The following ZNF276 variants were observed in gnomAD, a reference collection of about 807,000 sequenced individuals.
ZNF276 encodes the protein centromere protein Z.
ZNF276 carries 59 observed loss-of-function variants against 63.9 expected under a neutral mutation model. The observed-to-expected ratio is 0.92, with a 90% CI of 0.75 to 1.15. The LOEUF (loss-of-function observed/expected upper bound fraction) is 1.15. ZNF276 is among the 50% of genes most tolerant of loss of function. The pLI is 0.00. For synonymous variants in ZNF276, 496 were observed against 348.4 expected, an observed-to-expected ratio of 1.42 and a Z score of -4.72; for missense variants, 1,084 against 843.8, an observed-to-expected ratio of 1.28 and a Z score of -3.53.
intron 4 of ZNF276, among the ~76,000 whole-genome samples, chr16:89,725,435 C>T (rs1349367911): frequency 6.6e-6 from 1 of 152,170 alleles, no homozygotes; most frequent in Non-Finnish European, 1.5e-5. Flanking sequence ...CCTGCATCAG[C>T]CTCCCAGAAT....
chr16:89,721,023 G>T, upstream of ZNF276: 1 of 650,228 alleles, frequency 1.5e-6, no homozygotes, highest in Non-Finnish European at 2.1e-6. Flanking sequence ...CGTACTGCGG[G>T]CCCCACGGGT....
Position 89,733,426 on chromosome 16 carries a change from C to A in ZNF276, c.1280+14C>A. On this transcript the variant is annotated intron_variant, in intron 7 of 10. Coordinates refer to ENST00000443381, the MANE Select transcript of ZNF276 (RefSeq NM_001113525.2). ...TCGTTGTGAGAGGTGATGCCTGCAA[C>A]GCGAGGCTCGCCCTGCCTGTCGGGG... 1.2e-6 allele frequency: 2 copies of A among 1,613,980 alleles called. No individual in the cohort carries two copies. Among genetic ancestry groups the A allele is most frequent in the Non-Finnish European group, 1.7e-6 (2 of 1,179,870 alleles).
At chr16:89,734,713 C>T (rs2061791814) in intron 9 of ZNF276, among the ~76,000 whole-genome samples, 2 of 152,234 alleles carry the variant, frequency 1.3e-5, no homozygotes, top group South Asian at 4.1e-4. Context: ...ACGTGTGGTT[C>T]TGCCTTTTCA....
rs991302834 is a variant in ZNF276 at position 89,739,729 on chromosome 16, G to C, written c.*1483G>C. The stretch of plus-strand genomic sequence containing the variant: ...ACCTGTCAGCAGCTGGGAGAGGATG[G>C]GGGGGTCGACCTCTTGCAGGAGGGT... On this transcript the variant is annotated 3_prime_UTR_variant, in exon 11 of 11. Transcript: ENST00000443381. The C allele has an allele frequency of 8.7e-6, 13 of 1,499,176 alleles. No individual in the cohort carries two copies. The highest frequency in any genetic ancestry group is 2.5e-5 in the East Asian group (1 of 40,574). The allele number at this position is 1,499,176 out of a possible 1,614,324, so 92.9% of individuals were successfully genotyped here. A position where few individuals can be genotyped will look rare whatever the true frequency, so the allele number is the denominator to read the frequency against.
rs76106472 is a variant in ZNF276, at chr16:89,729,286, G to C, written c.1137G>C (p.Ser379=). Residue 379 remains serine, a synonymous_variant, in exon 6 of 11, where the codon TCG becomes TCC. Coordinates refer to ENST00000443381, the MANE Select transcript of ZNF276 (RefSeq NM_001113525.2). ...ENDKKQNAQS[S]DESFEPYPER... ...ACAAGAAGCAAAATGCCCAGTCTTC[G>C]GACGAGTCCTTTGAGCCTTACCCAG... 1.9e-6 allele frequency: 3 copies of C among 1,613,990 alleles called. No individual in the cohort carries two copies. The Admixed American group carries it at 5.0e-5, about 27-fold the overall frequency.
intron 4 of ZNF276, 113 bp downstream of exon 4, chr16:89,723,822 G>A (rs1597968236): frequency 1.7e-6 from 2 of 1,186,760 alleles, no homozygotes; most frequent in Non-Finnish European, 1.2e-6. Flanking sequence ...GGGGTGTGGT[G>A]TGAGAAGGAG....
chr16:89,740,072 G>A lies in ZNF276; in HGVS notation c.*1826G>A, dbSNP rs200917877. 1 of 1,614,180 alleles carries A rather than the reference G, an allele frequency of 6.2e-7. No homozygotes were observed. The highest frequency in any genetic ancestry group is 2.2e-5 in the East Asian group (1 of 44,874). Reference sequence around the variant, plus strand: ...CACTCGAGGATTGCTGCACAAACGTGGAAAGCCTTTGGCAGGTCTGTGGTG... The same window carrying A: ...CACTCGAGGATTGCTGCACAAACGTAGAAAGCCTTTGGCAGGTCTGTGGTG... On this transcript the variant is annotated 3_prime_UTR_variant, in exon 11 of 11. Coordinates refer to ENST00000443381, the MANE Select transcript of ZNF276 (RefSeq NM_001113525.2).
intron 9 of ZNF276, among the ~76,000 whole-genome samples, chr16:89,735,297 G>C (rs1051119017): frequency 6.6e-6 from 1 of 151,004 alleles, no homozygotes; most frequent in African/African-American, 2.4e-5. Context: ...GGTGGGGGGG[G>C]GCCTGGAACC....
intron 9 of ZNF276, among the ~76,000 whole-genome samples, chr16:89,735,115 A>G (rs2061811291): frequency 2.0e-5 from 3 of 152,138 alleles, no homozygotes; most frequent in South Asian, 4.1e-4. Flanking sequence ...CCTGGGCAAC[A>G]GTGAGACACT....
chr16:89,734,112 AC>A, intron 9 of ZNF276, 74 bp downstream of exon 9: 3 of 1,409,644 alleles, frequency 2.1e-6, no homozygotes, highest in Non-Finnish European at 3.0e-6. Context: ...TCTTCCTCAT[AC>A]CCATCCCCGC....
chr16:89,729,769 C>T (rs930857723), intron 6 of ZNF276, among the ~76,000 whole-genome samples: 1 of 152,226 alleles, frequency 6.6e-6, no homozygotes, highest in Non-Finnish European at 1.5e-5. Context: ...CTGACCCCAT[C>T]ACTGATGTCC....
In ZNF276 at chr16:89,738,693, C is replaced by T; in HGVS notation, c.*447C>T. ...GCGCTCACCTCTGGGTCGCAGTCCC[C>T]ACGATCAGCCAGCAGCTGTGAGAGA... is the stretch of plus-strand genomic sequence containing the variant. On this transcript the variant is annotated 3_prime_UTR_variant, in exon 11 of 11. Transcript: ENST00000443381. The T allele has an allele frequency of 1.2e-6, 2 of 1,613,936 alleles. No homozygotes were observed. Among genetic ancestry groups the T allele is most frequent in the Non-Finnish European group, 1.7e-6 (2 of 1,180,000 alleles).
chr16:89,740,015 G>A lies in ZNF276; in HGVS notation c.*1769G>A, dbSNP rs753700179. 6 of 1,614,074 alleles carry A rather than the reference G, an allele frequency of 3.7e-6. No individual in the cohort carries two copies. The highest frequency in any genetic ancestry group is 1.7e-5 in the Admixed American group (1 of 60,000). Reference sequence around the variant, plus strand: ...TTACCACTCTCTGTCAACTGAAAGAGTGCCAGCCAGGATATCTTCCTCTTC... The same window carrying A: ...TTACCACTCTCTGTCAACTGAAAGAATGCCAGCCAGGATATCTTCCTCTTC... On this transcript the variant is annotated 3_prime_UTR_variant, in exon 11 of 11. Transcript: ENST00000443381.
chr16:89,738,555 A>C lies in ZNF276; in HGVS notation c.*309A>C. On this transcript the variant is annotated 3_prime_UTR_variant, in exon 11 of 11. Transcript: ENST00000443381. Reference sequence around the variant, plus strand: ...AAGAGCTCCATGTTATGCTTGTAATAAATTATTTACACGGGAGCTGGGCTG... The same window carrying C: ...AAGAGCTCCATGTTATGCTTGTAATCAATTATTTACACGGGAGCTGGGCTG... 1.9e-6 allele frequency: 3 copies of C among 1,611,650 alleles called. No individual in the cohort carries two copies. Among genetic ancestry groups the C allele is most frequent in the Non-Finnish European group, 2.5e-6 (3 of 1,179,352 alleles).
At chr16:89,727,380 C>T (rs558666248) in intron 5 of ZNF276, 23 bp downstream of exon 5, 1 of 1,609,438 alleles carries the variant, frequency 6.2e-7, no homozygotes, top group East Asian at 2.2e-5. Context: ...TGGGTTTAAA[C>T]AGCCTAAAAT....
Position 89,739,227 on chromosome 16 carries a change from A to G in ZNF276, c.*981A>G, listed in dbSNP as rs1406434857. ...CTGGACCAGCTTCAAGTACATGTCC[A>G]CAGCAACATGCAGGAAGGCCTCTTC... On this transcript the variant is annotated 3_prime_UTR_variant, in exon 11 of 11. Transcript: ENST00000443381. 6.2e-7 allele frequency: 1 copy of G among 1,614,056 alleles called. No individual in the cohort carries two copies. Among genetic ancestry groups the G allele is most frequent in the Non-Finnish European group, 8.5e-7 (1 of 1,180,038 alleles).
chr16:89,728,602 C>CCG (rs1198461019), intron 5 of ZNF276, among the ~76,000 whole-genome samples: 3 of 152,102 alleles, frequency 2.0e-5, no homozygotes, highest in Non-Finnish European at 4.4e-5. Flanking sequence ...CGGGGTTTCA[C>CCG]TTTGTTAGCC....
intron 9 of ZNF276, 104 bp downstream of exon 9, chr16:89,734,142 G>C: frequency 9.2e-7 from 1 of 1,084,438 alleles, no homozygotes; most frequent in East Asian, 2.5e-5. Context: ...TTGGGGGTGC[G>C]TGAAGGTGGC....
At chr16:89,731,078 T>C (rs1598000712) in intron 6 of ZNF276, among the ~76,000 whole-genome samples, 1 of 152,156 alleles carries the variant, frequency 6.6e-6, no homozygotes, top group South Asian at 2.1e-4. Context: ...CCTCCTGTGC[T>C]GAGGAGGTGA....
Sources: allele counts gnomAD v4.1 joint callset (sites outside exome capture counted in the v4.1 genomes callset), GRCh38; gene constraint gnomAD v4.1.1; transcripts MANE v1.5; gene names NCBI Gene and HGNC (gene_info 2026-07-23, HGNC 2026-07-21).